Variants in DMD observed in about 807,000 individuals in gnomAD.
DMD encodes mutant dystrophin.
A neutral mutation model predicts 330.1 loss-of-function variants in DMD; 63 were observed. That is an observed-to-expected ratio of 0.19 (90% CI 0.16 to 0.24). The LOEUF (loss-of-function observed/expected upper bound fraction) is 0.24. Ranked by LOEUF, DMD falls within the 10% of genes least tolerant of loss-of-function variation. The pLI, the probability that DMD is intolerant of heterozygous loss-of-function variation, is 1.00. For synonymous variants in DMD, 1,223 were observed against 959.8 expected (o/e 1.27, Z -5.07); for missense variants, 3,344 against 2,684.1 (o/e 1.25, Z -5.43).
intron 78 of DMD, among the ~76,000 whole-genome samples, chrX:31,122,264 C>CAGAACAGGAATATTCCATGATGG (rs765097615): frequency 2.7e-5 from 3 of 112,154 alleles, no homozygotes; most frequent in Non-Finnish European, 3.8e-5. Flanking sequence ...AGATTTCTAT[C>CAGAACAGGAATATTCCATGATGG]AGAACAGGAA....
intron 1 of DMD, among the ~76,000 whole-genome samples, chrX:33,321,812 A>G (rs751539505): frequency 2.7e-5 from 3 of 111,498 alleles, no homozygotes; most frequent in Non-Finnish European, 5.7e-5. Context: ...CTTAGCTAGA[A>G]CTTCTGGATA....
intron 2 of DMD, among the ~76,000 whole-genome samples, chrX:32,989,114 C>G (rs749471265): frequency 6.5e-4 from 72 of 111,534 alleles, no homozygotes; most frequent in Non-Finnish European, 1.2e-3. Context: ...AGTTTTATTT[C>G]TACAGCTTTG....
chrX:33,172,787 A>G (rs1373668817), intron 1 of DMD, among the ~76,000 whole-genome samples: 1 of 111,959 alleles, frequency 8.9e-6, no homozygotes, highest in Non-Finnish European at 1.9e-5. Context: ...ATTACATGAC[A>G]TTAAATAGTA....
intron 60 of DMD, among the ~76,000 whole-genome samples, chrX:31,403,169 T>C (rs772365872): frequency 2.7e-5 from 3 of 112,381 alleles, no homozygotes; most frequent in Non-Finnish European, 5.6e-5. Flanking sequence ...ATGGGAATTA[T>C]AATGAGACAC....
chrX:31,996,303 G>C (rs977429650), intron 44 of DMD, among the ~76,000 whole-genome samples: 1 of 111,744 alleles, frequency 8.9e-6, no homozygotes, highest in Non-Finnish European at 1.9e-5. Flanking sequence ...GTGAATATGA[G>C]GATACATCGA....
chrX:31,950,326 T>C (rs751759411), intron 45 of DMD, among the ~76,000 whole-genome samples: 5 of 111,872 alleles, frequency 4.5e-5, no homozygotes, highest in Non-Finnish European at 9.4e-5. Context: ...AATTCCAATT[T>C]AATTCTGACA....
intron 1 of DMD, among the ~76,000 whole-genome samples, chrX:33,068,011 G>A (rs945971725): frequency 8.9e-6 from 1 of 111,945 alleles, no homozygotes; most frequent in African/African-American, 3.2e-5. Flanking sequence ...AGTGCTGCTA[G>A]TGCTGAAAAT....
chrX:31,818,584 C>A (rs975202287), intron 50 of DMD, among the ~76,000 whole-genome samples: 5 of 110,639 alleles, frequency 4.5e-5, no homozygotes, highest in Non-Finnish European at 9.4e-5. Flanking sequence ...GAGGCTGAAC[C>A]TACCAGAGAC....
At chrX:32,979,493 G>A (rs912110343) in intron 2 of DMD, among the ~76,000 whole-genome samples, 1 of 111,241 alleles carries the variant, frequency 9.0e-6, no homozygotes, top group African/African-American at 3.3e-5. Context: ...TTGGAATGAC[G>A]GAAGGTATTC....
In DMD at chrX:32,662,922, A is replaced by T. The variant is rs559523124; in HGVS notation, c.961-17770T>A. Among the ~76,000 whole-genome samples the T allele has an allele frequency of 3.6e-4, 40 of 112,179 alleles. No homozygotes were observed. The South Asian group carries it at 0.014, about 39-fold the overall frequency. ...TGATTTTTCCCTCTGTACTGTCAAA[A>T]ATATTGACTGAATTGACTGTAGGTT... On this transcript the variant is annotated intron_variant, in intron 9 of 78. Coordinates refer to ENST00000357033, the MANE Select transcript of DMD (RefSeq NM_004006.3).
chrX:32,706,592 AG>A (rs2064687060), intron 7 of DMD, among the ~76,000 whole-genome samples: 2 of 111,105 alleles, frequency 1.8e-5, no homozygotes, highest in African/African-American at 6.5e-5. Flanking sequence ...AAATTAAAAA[AG>A]AAAAAAACAG....
chrX:32,338,066 A>G (rs2097723917), intron 41 of DMD, among the ~76,000 whole-genome samples: 1 of 111,579 alleles, frequency 9.0e-6, no homozygotes, highest in African/African-American at 3.2e-5. Flanking sequence ...TTAATTCTTG[A>G]ATCATGTTTT....
chrX:31,456,540 GAT>G (rs1253937747), intron 59 of DMD, among the ~76,000 whole-genome samples: 2 of 112,150 alleles, frequency 1.8e-5, no homozygotes, highest in Non-Finnish European at 3.8e-5. Flanking sequence ...GGGGAAGAAA[GAT>G]ATGTGTTCAG....
intron 60 of DMD, among the ~76,000 whole-genome samples, chrX:31,356,344 CT>C (rs1191258594): frequency 9.0e-6 from 1 of 110,888 alleles, no homozygotes; most frequent in African/African-American, 3.3e-5. Context: ...AATCTGACTC[CT>C]TTTTTTATTC....
chrX:32,598,698 T>A (rs750525522), intron 12 of DMD, among the ~76,000 whole-genome samples: 52 of 112,452 alleles, frequency 4.6e-4, no homozygotes, highest in Middle Eastern at 4.6e-3. Context: ...ACGTACTATA[T>A]TCTCCATTAC....
At chrX:33,130,347 C>A (rs1018107444) in intron 1 of DMD, among the ~76,000 whole-genome samples, 4 of 111,321 alleles carry the variant, frequency 3.6e-5, no homozygotes, top group African/African-American at 9.8e-5. Context: ...GATCATTTAT[C>A]CTTTTAGCGG....
chrX:33,196,038 A>G (rs2050914569), intron 1 of DMD, among the ~76,000 whole-genome samples: 1 of 111,398 alleles, frequency 9.0e-6, no homozygotes, highest in South Asian at 3.8e-4. Context: ...AATTATCCAT[A>G]GTGAGTTTAC....
intron 7 of DMD, among the ~76,000 whole-genome samples, chrX:32,783,094 TG>T (rs1270359192): frequency 4.0e-5 from 4 of 99,528 alleles, no homozygotes; most frequent in South Asian, 8.3e-4. Context: ...TATACATATA[TG>T]GTGTATATAT....
chrX:33,053,329 C>T (rs1393661775), intron 1 of DMD, among the ~76,000 whole-genome samples: 1 of 111,390 alleles, frequency 9.0e-6, no homozygotes, highest in African/African-American at 3.3e-5. Flanking sequence ...GGCGCGGTGG[C>T]TCATGCCTGT....
Sources: allele counts gnomAD v4.1 joint callset (sites outside exome capture counted in the v4.1 genomes callset), GRCh38; gene constraint gnomAD v4.1.1; transcripts MANE v1.5; gene names NCBI Gene and HGNC (gene_info 2026-07-23, HGNC 2026-07-21).